JARID2: variants seen among roughly 807,000 people sequenced by gnomAD.
JARID2 encodes jumonji and AT-rich interaction domain containing 2, also known as protein Jumonji.
JARID2 carries 21 observed loss-of-function variants against 125.6 expected under a neutral mutation model. The observed-to-expected ratio is 0.17, with a 90% CI of 0.12 to 0.24. The LOEUF (loss-of-function observed/expected upper bound fraction) is 0.24. Ranked by LOEUF, JARID2 falls within the 10% of genes least tolerant of loss-of-function variation. JARID2 has a pLI of 1.00. For synonymous variants in JARID2, 736 were observed against 661.6 expected, an observed-to-expected ratio of 1.11 and a Z score of -1.73; for missense variants, 1,303 against 1,639.6, an observed-to-expected ratio of 0.79 and a Z score of 3.55.
chr6:15,351,598 T>G (rs1763430926), intron 1 of JARID2, among the ~76,000 whole-genome samples: 1 of 152,172 alleles, frequency 6.6e-6, no homozygotes, highest in Non-Finnish European at 1.5e-5. Context: ...TGCATTTATA[T>G]CACACAAGGC....
chr6:15,382,441 C>T (rs1764627170), intron 2 of JARID2, among the ~76,000 whole-genome samples: 1 of 152,200 alleles, frequency 6.6e-6, no homozygotes, highest in African/African-American at 2.4e-5. Context: ...TGGCAGGGGT[C>T]AGCAAATATT....
intron 2 of JARID2, among the ~76,000 whole-genome samples, chr6:15,383,537 A>G (rs1367493102): frequency 2.0e-5 from 3 of 151,960 alleles, no homozygotes; most frequent in Non-Finnish European, 2.9e-5. Context: ...TCTTTCTCTT[A>G]GTTTATAGCA....
intron 3 of JARID2, among the ~76,000 whole-genome samples, chr6:15,425,261 C>A (rs1766674931): frequency 6.6e-6 from 1 of 152,152 alleles, no homozygotes; most frequent in African/African-American, 2.4e-5. Context: ...AGGATTGTGA[C>A]CTCCAAGGAG....
At chr6:15,323,414 T>C (rs1301087656) in intron 1 of JARID2, among the ~76,000 whole-genome samples, 1 of 152,190 alleles carries the variant, frequency 6.6e-6, no homozygotes, top group East Asian at 1.9e-4. Flanking sequence ...TTCATAGATA[T>C]GTGGCTTGGC....
Position 15,507,427 on chromosome 6 carries a change from C to T in JARID2, c.2731+11C>T. The stretch of plus-strand genomic sequence containing the variant: ...TCGGTGCTGTGCCTGGTAAGCCTGA[C>T]TGTGGCCGCCTGCCTGTGGCAGCTG... On this transcript the variant is annotated intron_variant, in intron 11 of 17. Transcript: ENST00000341776. The T allele has an allele frequency of 2.5e-6, 4 of 1,611,662 alleles. No individual in the cohort carries two copies. The highest frequency in any genetic ancestry group is 2.2e-5 in the South Asian group (2 of 90,948).
chr6:15,300,722 T>TGTGTGAGA lies in JARID2; in HGVS notation c.45+54139_45+54140insTGTGAGAG, dbSNP rs1246745065. ...GTGTGTGTGTGTGTGTGTGTGTGTGTGAGAGAGAGAGAGAGAGAGAGAGAG... is the reference window on the plus strand; with the variant it reads ...GTGTGTGTGTGTGTGTGTGTGTGTGTGTGTGAGAGAGAGAGAGAGAGAGAGAGAGAGAG... On this transcript the variant is annotated intron_variant, in intron 1 of 17. Transcript: ENST00000341776. Among the ~76,000 whole-genome samples the TGTGTGAGA allele has an allele frequency of 2.8e-3, 309 of 111,150 alleles. 1 individual carries two copies. Among genetic ancestry groups the TGTGTGAGA allele is most frequent in the South Asian group, 4.0e-3 (13 of 3,246 alleles). 72.9% of individuals were successfully genotyped at this position (111,150 alleles called of 152,430 possible).
intron 7 of JARID2, among the ~76,000 whole-genome samples, chr6:15,498,350 G>C (rs969199420): frequency 6.6e-6 from 1 of 152,196 alleles, no homozygotes; most frequent in Non-Finnish European, 1.5e-5. Flanking sequence ...CTGTCATGCA[G>C]ACCCTTGCTC....
chr6:15,401,278 A>G (rs1457703569), intron 2 of JARID2, among the ~76,000 whole-genome samples: 1 of 152,130 alleles, frequency 6.6e-6, no homozygotes, highest in Admixed American at 6.5e-5. Context: ...CACTGTGGAA[A>G]TTTACAAGAG....
At chr6:15,346,607 G>A (rs1763252292) in intron 1 of JARID2, among the ~76,000 whole-genome samples, 1 of 152,092 alleles carries the variant, frequency 6.6e-6, no homozygotes, top group Non-Finnish European at 1.5e-5. Context: ...CTGGGAGAGG[G>A]GATGTGGAGC....
chr6:15,456,137 G>GT (rs1473635882), intron 4 of JARID2, among the ~76,000 whole-genome samples: 1 of 152,198 alleles, frequency 6.6e-6, no homozygotes, highest in African/African-American at 2.4e-5. Flanking sequence ...GAATATGTGT[G>GT]TTTGTGCTAC....
chr6:15,430,132 C>CA (rs1414217776), intron 3 of JARID2, among the ~76,000 whole-genome samples: 1 of 152,224 alleles, frequency 6.6e-6, no homozygotes, highest in African/African-American at 2.4e-5. Context: ...TTAACCTCTG[C>CA]ATCTATGTCC....
chr6:15,499,316 G>A (rs1770614883), intron 7 of JARID2, among the ~76,000 whole-genome samples: 3 of 152,326 alleles, frequency 2.0e-5, no homozygotes, highest in South Asian at 2.1e-4. Context: ...CCGCCGTGCC[G>A]CTGGCGGGAG....
intron 3 of JARID2, among the ~76,000 whole-genome samples, chr6:15,418,458 C>T (rs1002997166): frequency 6.6e-6 from 1 of 152,150 alleles, no homozygotes; most frequent in African/African-American, 2.4e-5. Flanking sequence ...TCGTGATCGC[C>T]CGCCTCGTCC....
chr6:15,497,364 A>G (rs1479803733), intron 7 of JARID2, among the ~76,000 whole-genome samples, 194 bp downstream of exon 7: 3 of 152,270 alleles, frequency 2.0e-5, no homozygotes, highest in South Asian at 2.1e-4. Context: ...GTGGCAGGAT[A>G]AGAATGGTAT....
At chr6:15,437,561 A>AG (rs1767262203) in intron 3 of JARID2, among the ~76,000 whole-genome samples, 1 of 152,172 alleles carries the variant, frequency 6.6e-6, no homozygotes, top group Admixed American at 6.5e-5. Flanking sequence ...TTTTAAAAAG[A>AG]GGAACTTTTT....
intron 3 of JARID2, among the ~76,000 whole-genome samples, chr6:15,426,236 G>A (rs570244749): frequency 6.6e-6 from 1 of 152,204 alleles, no homozygotes; most frequent in East Asian, 1.9e-4. Flanking sequence ...GACAAGTGAA[G>A]GGTTCTTTGT....
At chr6:15,486,788 T>C (rs1301895643) in intron 5 of JARID2, among the ~76,000 whole-genome samples, 2 of 147,502 alleles carry the variant, frequency 1.4e-5, no homozygotes, top group African/African-American at 5.1e-5. Context: ...ATGCATCTCT[T>C]TTAAATCTGA....
chr6:15,409,005 C>A (rs538543277), intron 2 of JARID2, among the ~76,000 whole-genome samples: 1 of 152,284 alleles, frequency 6.6e-6, no homozygotes, highest in East Asian at 1.9e-4. Flanking sequence ...CTCATGTTAT[C>A]ACTCATACTC....
intron 11 of JARID2, among the ~76,000 whole-genome samples, chr6:15,507,765 T>G (rs972600761): frequency 6.6e-6 from 1 of 152,136 alleles, no homozygotes; most frequent in Non-Finnish European, 1.5e-5. Flanking sequence ...AGTAGGCTCG[T>G]AAGGGACGGA....
Sources: allele counts gnomAD v4.1 joint callset (sites outside exome capture counted in the v4.1 genomes callset), GRCh38; gene constraint gnomAD v4.1.1; transcripts MANE v1.5; gene names NCBI Gene and HGNC (gene_info 2026-07-23, HGNC 2026-07-21).